Variants in KAT2B observed in about 807,000 individuals in gnomAD.
KAT2B encodes lysine acetyltransferase 2B.
In KAT2B, 36 loss-of-function variants were observed where a neutral mutation model predicts 105.9. That is an observed-to-expected ratio of 0.34 (90% CI 0.26 to 0.45). The LOEUF (loss-of-function observed/expected upper bound fraction) is 0.45. Ranked by LOEUF, KAT2B falls within the 20% of genes least tolerant of loss-of-function variation. The pLI is 1.00. For synonymous variants in KAT2B, 397 were observed against 377.9 expected, an observed-to-expected ratio of 1.05 and a Z score of -0.59; for missense variants, 820 against 1,021.6, an observed-to-expected ratio of 0.80 and a Z score of 2.69.
chr3:20,124,963 A>G (rs1699373334), intron 9 of KAT2B, among the ~76,000 whole-genome samples: 2 of 152,224 alleles, frequency 1.3e-5, no homozygotes, highest in Admixed American at 6.5e-5. Flanking sequence ...GCTTCCAGCT[A>G]TGGTTGAGTG....
chr3:20,119,594 G>A lies in KAT2B; in HGVS notation c.1151-4G>A, dbSNP rs1699270631. ...AACACCTTCTTCTCCTTTTGCCGGG[G>A]CAGTTATCAATCCACCTCCTGTGGC... On this transcript the variant is annotated splice_region_variant and splice_polypyrimidine_tract_variant and intron_variant, in intron 7 of 17. Coordinates refer to ENST00000263754, the MANE Select transcript of KAT2B (RefSeq NM_003884.5). 1.2e-6 allele frequency: 2 copies of A among 1,613,758 alleles called. No homozygotes were observed. Among genetic ancestry groups the A allele is most frequent in the Non-Finnish European group, 1.7e-6 (2 of 1,179,840 alleles).
At chr3:20,144,330 C>G (rs1166214440) in intron 13 of KAT2B, among the ~76,000 whole-genome samples, 1 of 141,388 alleles carries the variant, frequency 7.1e-6, no homozygotes, top group Non-Finnish European at 1.5e-5. Flanking sequence ...ACTCTGTCAC[C>G]CAGGCTGGAG....
At chr3:20,111,810 CTTTG>C (rs1699126793) in intron 6 of KAT2B, 23 bp downstream of exon 6, 4 of 1,591,668 alleles carry the variant, frequency 2.5e-6, no homozygotes, top group East Asian at 2.2e-5. Context: ...TTTTGCTGGT[CTTTG>C]TTTGATCCCA....
intron 1 of KAT2B, among the ~76,000 whole-genome samples, chr3:20,068,370 G>A (rs559631255): frequency 1.3e-5 from 2 of 150,798 alleles, no homozygotes; most frequent in South Asian, 4.2e-4. Flanking sequence ...TGTTGAGCAA[G>A]CCAGGCACTC....
At chr3:20,115,936 A>C (rs1177631260) in intron 7 of KAT2B, among the ~76,000 whole-genome samples, 8 of 152,212 alleles carry the variant, frequency 5.3e-5, no homozygotes, top group Admixed American at 2.0e-4. Flanking sequence ...TTTTTGAAAA[A>C]GGTTTTCATC....
chr3:20,059,577 C>T (rs1575109043), intron 1 of KAT2B, among the ~76,000 whole-genome samples: 2 of 149,228 alleles, frequency 1.3e-5, no homozygotes, highest in African/African-American at 2.5e-5. Context: ...TGGTGGCGGG[C>T]GCCTGTAGTC....
chr3:20,098,813 C>A (rs1391643185), intron 3 of KAT2B, among the ~76,000 whole-genome samples: 1 of 152,026 alleles, frequency 6.6e-6, no homozygotes, highest in Non-Finnish European at 1.5e-5. Context: ...AACAGATGCC[C>A]CATACTCATA....
At position 20,126,133 on chromosome 3, in the gene KAT2B, C is replaced by T. The variant is rs376017300; in HGVS notation, c.1622+20C>T. 4.5e-6 allele frequency: 7 copies of T among 1,550,374 alleles called. No individual in the cohort carries two copies. The highest frequency in any genetic ancestry group is 1.7e-4 in the Middle Eastern group (1 of 5,976). On this transcript the variant is annotated intron_variant, in intron 10 of 17. Coordinates refer to ENST00000263754, the MANE Select transcript of KAT2B (RefSeq NM_003884.5). ...TGACCCGTAAGTGGTACTTTCTGTT[C>T]CTTCTTCCTTATTTCCTTTTTAAAT...
Position 20,051,199 on chromosome 3 carries a change from C to CAAAA in KAT2B, c.303+10431_303+10434dup, listed in dbSNP as rs61279125. ...TGGGTGACAGAGCAATACTCTGTCTCAAAAAAAAAAAAAAACCCAAACAAA... is the reference window on the plus strand; with the variant it reads ...TGGGTGACAGAGCAATACTCTGTCTCAAAAAAAAAAAAAAAAAAACCCAAACAAA... On this transcript the variant is annotated intron_variant, in intron 1 of 17. Transcript: ENST00000263754. 1.4e-3 allele frequency among the ~76,000 whole-genome samples: 154 copies of CAAAA among 113,474 alleles called. 2 individuals carry two copies. The highest frequency in any genetic ancestry group is 3.8e-3 in the African/African-American group (116 of 30,298). 74.4% of individuals were successfully genotyped at this position (113,474 alleles called of 152,430 possible).
chr3:20,118,614 T>C (rs1391559198), intron 7 of KAT2B, among the ~76,000 whole-genome samples: 1 of 148,730 alleles, frequency 6.7e-6, no homozygotes, highest in East Asian at 2.0e-4. Context: ...TCTCAGCTAC[T>C]CGGGAGGCTG....
At chr3:20,139,719 C>A (rs1387041961) in intron 12 of KAT2B, among the ~76,000 whole-genome samples, 2 of 152,006 alleles carry the variant, frequency 1.3e-5, no homozygotes, top group Admixed American at 1.3e-4. Context: ...GAAACAACCA[C>A]ACATTGTGAC....
intron 1 of KAT2B, among the ~76,000 whole-genome samples, chr3:20,063,402 T>C (rs908504083): frequency 3.3e-5 from 5 of 151,254 alleles, no homozygotes; most frequent in Admixed American, 2.7e-4. Context: ...TCATGAAGAT[T>C]TTTTCTGTAT....
At position 20,110,894 on chromosome 3, in the gene KAT2B, G is replaced by A. The variant is rs139938418; in HGVS notation, c.852-702G>A. 1.8e-3 allele frequency among the ~76,000 whole-genome samples: 270 copies of A among 152,028 alleles called. 3 individuals are homozygous for A. The highest frequency in any genetic ancestry group is 6.3e-3 in the African/African-American group (262 of 41,470). ...TGCAGTGATGCTGAGGTGCATTTTT[G>A]ACTTTGAGTCTGAGTCGTTGAAAAA... On this transcript the variant is annotated intron_variant, in intron 5 of 17. Coordinates refer to ENST00000263754, the MANE Select transcript of KAT2B (RefSeq NM_003884.5).
chr3:20,101,785 A>G (rs1698915594), intron 5 of KAT2B, among the ~76,000 whole-genome samples: 1 of 152,240 alleles, frequency 6.6e-6, no homozygotes, highest in African/African-American at 2.4e-5. Context: ...TAATACTTTT[A>G]AAATATTGAT....
At chr3:20,051,567 A>G (rs1016508634) in intron 1 of KAT2B, among the ~76,000 whole-genome samples, 3 of 152,234 alleles carry the variant, frequency 2.0e-5, no homozygotes, top group East Asian at 1.9e-4. Context: ...CCAGTGGGCA[A>G]TGCCACCTTT....
At chr3:20,104,480 GA>G (rs1202575756) in intron 5 of KAT2B, among the ~76,000 whole-genome samples, 1 of 152,020 alleles carries the variant, frequency 6.6e-6, no homozygotes, top group African/African-American at 2.4e-5. Flanking sequence ...ACCACATGGG[GA>G]ATTAAAAAAA....
At chr3:20,091,374 G>A (rs1209274066) in intron 2 of KAT2B, among the ~76,000 whole-genome samples, 1 of 151,726 alleles carries the variant, frequency 6.6e-6, no homozygotes, top group East Asian at 1.9e-4. Flanking sequence ...CTTATTTTGA[G>A]TCTTCTCTTT....
At chr3:20,078,476 G>A (rs1225212700) in intron 2 of KAT2B, among the ~76,000 whole-genome samples, 3 of 151,948 alleles carry the variant, frequency 2.0e-5, no homozygotes, top group East Asian at 1.9e-4. Context: ...GGGCTCAAGC[G>A]ATCCTTTCAC....
At chr3:20,069,123 A>G (rs1323471074) in intron 1 of KAT2B, among the ~76,000 whole-genome samples, 1 of 152,210 alleles carries the variant, frequency 6.6e-6, no homozygotes, top group Non-Finnish European at 1.5e-5. Flanking sequence ...AACAAAAACA[A>G]GTTTATTGAC....
Sources: allele counts gnomAD v4.1 joint callset (sites outside exome capture counted in the v4.1 genomes callset), GRCh38; gene constraint gnomAD v4.1.1; transcripts MANE v1.5; gene names NCBI Gene and HGNC (gene_info 2026-07-23, HGNC 2026-07-21).